The following PSD3 variants were observed in gnomAD, a reference collection of about 807,000 sequenced individuals.
The protein encoded by PSD3 is PH and SEC7 domain-containing protein 3.
A neutral mutation model predicts 105.5 loss-of-function variants in PSD3; 49 were observed. The observed-to-expected ratio is 0.46, with a 90% CI of 0.37 to 0.59. The LOEUF is 0.59. PSD3 is among the 20% of genes least tolerant of loss of function. The pLI, the probability that PSD3 is intolerant of heterozygous loss-of-function variation, is 0.00. For missense variants in PSD3, 1,561 were observed against 1,263.8 expected, an observed-to-expected ratio of 1.24 and a Z score of -3.57; for synonymous variants, 557 against 457.8, an observed-to-expected ratio of 1.22 and a Z score of -2.77.
At chr8:18,914,886 C>A (rs1002666711) in intron 2 of PSD3, among the ~76,000 whole-genome samples, 1 of 152,088 alleles carries the variant, frequency 6.6e-6, no homozygotes, top group South Asian at 2.1e-4. Flanking sequence ...AAACAGACCC[C>A]AAATAACCAA....
At chr8:18,673,214 A>ACACACC (rs1274431148) in intron 9 of PSD3, among the ~76,000 whole-genome samples, 49 of 145,112 alleles carry the variant, frequency 3.4e-4, no homozygotes, top group African/African-American at 1.2e-3. Flanking sequence ...ACACACACAC[A>ACACACC]CACACCCACA....
At chr8:18,586,458 G>C (rs1050103516) in intron 12 of PSD3, among the ~76,000 whole-genome samples, 1 of 152,192 alleles carries the variant, frequency 6.6e-6, no homozygotes, top group Non-Finnish European at 1.5e-5. Flanking sequence ...CTATTACGTA[G>C]TTGAGAAGTC....
chr8:18,799,989 T>C (rs1475954546), intron 7 of PSD3, among the ~76,000 whole-genome samples: 1 of 152,196 alleles, frequency 6.6e-6, no homozygotes, highest in Non-Finnish European at 1.5e-5. Context: ...AGTTCTTTAG[T>C]ATAGTAGGTG....
intron 2 of PSD3, among the ~76,000 whole-genome samples, chr8:18,898,524 C>A (rs1448202545): frequency 6.6e-6 from 1 of 152,114 alleles, no homozygotes; most frequent in Non-Finnish European, 1.5e-5. Flanking sequence ...GGGCACTGAG[C>A]ACCACCACCA....
At chr8:18,835,457 T>A (rs1408253572) in intron 4 of PSD3, among the ~76,000 whole-genome samples, 1 of 152,196 alleles carries the variant, frequency 6.6e-6, no homozygotes, top group Non-Finnish European at 1.5e-5. Context: ...ACATACTACA[T>A]TCCAGGAACT....
intron 11 of PSD3, among the ~76,000 whole-genome samples, chr8:18,626,632 C>T (rs1806500372): frequency 6.6e-6 from 1 of 151,936 alleles, no homozygotes; most frequent in South Asian, 2.1e-4. Flanking sequence ...TTGTGTAAGT[C>T]CTTACTATAA....
At position 18,530,207 on chromosome 8, in the gene PSD3, CTATT is replaced by C. The variant is rs1388549931; in HGVS notation, c.*5532_*5535del. ...TAATAAAATTTTAGTCTCTAGTTAC[CTATT>C]TACACTCTATAATATAAGCAGTAAG... On this transcript the variant is annotated 3_prime_UTR_variant, in exon 16 of 16. Coordinates refer to ENST00000327040, the MANE Select transcript of PSD3 (RefSeq NM_015310.4). The C allele has an allele frequency of 6.6e-6, 1 of 152,620 alleles. No individual in the cohort carries two copies. The highest frequency in any genetic ancestry group is 1.5e-5 in the Non-Finnish European group (1 of 68,026). 9.5% of individuals were successfully genotyped at this position (152,620 alleles called of 1,614,324 possible).
chr8:18,967,369 G>A (rs950593381), intron 1 of PSD3, among the ~76,000 whole-genome samples: 1 of 151,970 alleles, frequency 6.6e-6, no homozygotes, highest in African/African-American at 2.4e-5. Flanking sequence ...TGGTCAGGCT[G>A]GTCTCAAACT....
intron 9 of PSD3, among the ~76,000 whole-genome samples, chr8:18,761,716 T>C (rs1037929626): frequency 6.6e-6 from 1 of 152,150 alleles, no homozygotes; most frequent in Non-Finnish European, 1.5e-5. Context: ...TTACGAATGT[T>C]TTACAAAATC....
intron 2 of PSD3, among the ~76,000 whole-genome samples, chr8:18,897,440 T>C (rs1374847428): frequency 6.6e-6 from 1 of 152,218 alleles, no homozygotes; most frequent in Non-Finnish European, 1.5e-5. Context: ...TGGAGTCCGG[T>C]AGTGTGATGT....
At chr8:18,752,034 A>G (rs1805536001) in intron 9 of PSD3, among the ~76,000 whole-genome samples, 1 of 150,794 alleles carries the variant, frequency 6.6e-6, no homozygotes, top group South Asian at 2.1e-4. Context: ...AAAAAAAAAA[A>G]AAAATTAGCT....
At chr8:18,818,708 A>G (rs1318633556) in intron 4 of PSD3, among the ~76,000 whole-genome samples, 2 of 152,202 alleles carry the variant, frequency 1.3e-5, no homozygotes, top group Non-Finnish European at 2.9e-5. Context: ...CAGCAAAAAA[A>G]GGAAAGAAAG....
At chr8:18,561,693 T>TA (rs1269937203) in intron 14 of PSD3, among the ~76,000 whole-genome samples, 2 of 152,158 alleles carry the variant, frequency 1.3e-5, no homozygotes, top group Non-Finnish European at 1.5e-5. Context: ...TTAAAATTGT[T>TA]AAAAAAATAT....
intron 2 of PSD3, among the ~76,000 whole-genome samples, chr8:18,898,745 TATTC>T (rs759360881): frequency 6.6e-6 from 1 of 152,168 alleles, no homozygotes; most frequent in African/African-American, 2.4e-5. Flanking sequence ...ATATATTTAC[TATTC>T]ATTAAGTGGA....
intron 9 of PSD3, among the ~76,000 whole-genome samples, chr8:18,703,821 A>C (rs909250338): frequency 6.6e-6 from 1 of 152,220 alleles, no homozygotes; most frequent in Admixed American, 6.5e-5. Flanking sequence ...GATACAGCTG[A>C]ATCTCAATGC....
intron 9 of PSD3, among the ~76,000 whole-genome samples, chr8:18,691,053 C>A (rs975495421): frequency 1.3e-5 from 2 of 152,112 alleles, no homozygotes; most frequent in African/African-American, 4.8e-5. Flanking sequence ...GGACGCATCA[C>A]CTCACTCCAG....
intron 9 of PSD3, among the ~76,000 whole-genome samples, chr8:18,695,778 C>T (rs1028852833): frequency 6.6e-6 from 1 of 152,132 alleles, no homozygotes; most frequent in African/African-American, 2.4e-5. Context: ...TTTCCAAGGA[C>T]TACACTCTAG....
intron 9 of PSD3, among the ~76,000 whole-genome samples, chr8:18,699,935 T>C (rs1028616660): frequency 2.0e-5 from 3 of 152,042 alleles, no homozygotes; most frequent in African/African-American, 7.2e-5. Flanking sequence ...ACTAAGCCCA[T>C]TGGCAACTGA....
At chr8:18,746,094 T>G (rs1804993586) in intron 9 of PSD3, among the ~76,000 whole-genome samples, 1 of 152,240 alleles carries the variant, frequency 6.6e-6, no homozygotes, top group Non-Finnish European at 1.5e-5. Flanking sequence ...TCTTCCTGTC[T>G]GGCATACTTT....
Sources: allele counts gnomAD v4.1 joint callset (sites outside exome capture counted in the v4.1 genomes callset), GRCh38; gene constraint gnomAD v4.1.1; transcripts MANE v1.5; gene names NCBI Gene and HGNC (gene_info 2026-07-23, HGNC 2026-07-21).